Variants in RORA observed in about 807,000 individuals in gnomAD.
The protein encoded by RORA is RAR related orphan receptor A.
In RORA, 7 loss-of-function variants were observed where a neutral mutation model predicts 69.5. The ratio of observed to expected loss-of-function variants is 0.10; its 90% CI spans 0.06 to 0.19. The LOEUF (loss-of-function observed/expected upper bound fraction) is 0.19, where lower values mean the gene tolerates loss of function less well. Among genes scored for constraint, RORA ranks in the 10% least tolerant of loss-of-function variants. The pLI, the probability that RORA is intolerant of heterozygous loss-of-function variation, is 1.00. For missense variants in RORA, 457 were observed against 663.0 expected, an observed-to-expected ratio of 0.69 and a Z score of 3.41; for synonymous variants, 261 against 240.8, an observed-to-expected ratio of 1.08 and a Z score of -0.78.
At position 60,590,175 on chromosome 15, in the gene RORA, A is replaced by ATCTCTCTCTCTCTCTCTCTCTC. The variant is rs56192812; in HGVS notation, c.197-58346_197-58325dup. Among the ~76,000 whole-genome samples, 910 of 146,726 alleles carry ATCTCTCTCTCTCTCTCTCTCTC rather than the reference A, an allele frequency of 6.2e-3. 18 individuals are homozygous for ATCTCTCTCTCTCTCTCTCTCTC. The highest frequency in any genetic ancestry group is 0.023 in the African/African-American group (879 of 38,394). On this transcript the variant is annotated intron_variant, in intron 2 of 10. Coordinates refer to ENST00000335670, the MANE Select transcript of RORA (RefSeq NM_134261.3). ...ATGCATTCTCTCTCCCTCTTCCTCTATCTCTCTCTCTCTCTCTCTCTCTCT... is the reference window on the plus strand; with the variant it reads ...ATGCATTCTCTCTCCCTCTTCCTCTATCTCTCTCTCTCTCTCTCTCTCTCTCTCTCTCTCTCTCTCTCTCTCT...
At chr15:60,703,733 G>A (rs1415375930) in intron 1 of RORA, among the ~76,000 whole-genome samples, 1 of 152,160 alleles carries the variant, frequency 6.6e-6, no homozygotes, top group African/African-American at 2.4e-5. Context: ...GAATGGAGAA[G>A]TCTATGTCAT....
intron 1 of RORA, among the ~76,000 whole-genome samples, chr15:61,008,820 T>C (rs182263066): frequency 1.3e-5 from 2 of 152,246 alleles, no homozygotes; most frequent in East Asian, 3.9e-4. Context: ...AAATTAATGA[T>C]GTTGATGTAG....
chr15:61,016,648 T>A (rs1895299249), intron 1 of RORA, among the ~76,000 whole-genome samples: 1 of 152,126 alleles, frequency 6.6e-6, no homozygotes, highest in African/African-American at 2.4e-5. Flanking sequence ...GCTACGCCCA[T>A]CATCTGATGT....
chr15:60,910,186 T>G (rs376545111), intron 1 of RORA, among the ~76,000 whole-genome samples: 15 of 152,152 alleles, frequency 9.9e-5, no homozygotes, highest in African/African-American at 3.6e-4. Context: ...ATGATTACAC[T>G]CCAGGTTGTA....
chr15:60,644,727 T>A (rs537113202), intron 2 of RORA, among the ~76,000 whole-genome samples: 8 of 152,288 alleles, frequency 5.3e-5, no homozygotes, highest in African/African-American at 1.9e-4. Flanking sequence ...CAAACCGTGT[T>A]CTGTGGCTGG....
At chr15:60,967,031 A>T (rs1270376628) in intron 1 of RORA, among the ~76,000 whole-genome samples, 1 of 152,196 alleles carries the variant, frequency 6.6e-6, no homozygotes, top group Non-Finnish European at 1.5e-5. Flanking sequence ...CAAAATGATT[A>T]TCCATGAGTC....
rs1405644437 is a variant in RORA, at chr15:60,516,039, TTATATATTTA to T, written c.283-1292_283-1283del. 6.4e-3 allele frequency among the ~76,000 whole-genome samples: 74 copies of T among 11,644 alleles called. 7 individuals are homozygous for T. Among genetic ancestry groups the T allele is most frequent in the African/African-American group, 0.018 (55 of 3,130 alleles). 7.6% of individuals were successfully genotyped at this position (11,644 alleles called of 152,430 possible). On this transcript the variant is annotated intron_variant, in intron 3 of 10. Coordinates refer to ENST00000335670, the MANE Select transcript of RORA (RefSeq NM_134261.3). ...TATATATTTATATATTTATATATATTTATATATTTATATATATTTATATATATTTATATAT... is the reference window on the plus strand; with the variant it reads ...TATATATTTATATATTTATATATATTTATATATTTATATATATTTATATAT...
intron 1 of RORA, among the ~76,000 whole-genome samples, chr15:61,088,322 G>A: frequency 6.6e-6 from 1 of 152,208 alleles, no homozygotes; most frequent in East Asian, 1.9e-4. Context: ...GTGTGTGCAT[G>A]TGTGTGTCTC....
At chr15:61,177,688 C>T (rs555952031) in intron 1 of RORA, among the ~76,000 whole-genome samples, 35 of 152,226 alleles carry the variant, frequency 2.3e-4, no homozygotes, top group Admixed American at 1.3e-3. Context: ...CAGTTGCTCA[C>T]GCCTATAATC....
intron 1 of RORA, among the ~76,000 whole-genome samples, chr15:60,862,231 A>C (rs544798608): frequency 6.6e-6 from 1 of 152,334 alleles, no homozygotes; most frequent in East Asian, 1.9e-4. Context: ...TCCTTCTCAC[A>C]AGGTTACCTC....
intron 2 of RORA, among the ~76,000 whole-genome samples, chr15:60,666,350 T>A (rs28415288): frequency 7.1e-6 from 1 of 140,232 alleles, no homozygotes; most frequent in Non-Finnish European, 1.5e-5. Context: ...TTCTTTCTTT[T>A]TTTTTTTTTT....
chr15:61,138,797 T>C (rs2079269058), intron 1 of RORA, among the ~76,000 whole-genome samples: 1 of 151,898 alleles, frequency 6.6e-6, no homozygotes, highest in African/African-American at 2.4e-5. Context: ...TAAACAGAGA[T>C]AAATGCCATG....
rs571002284 is a variant in RORA at position 60,553,836 on chromosome 15, A to G, written c.197-21985T>C. On this transcript the variant is annotated intron_variant, in intron 2 of 10. Coordinates refer to ENST00000335670, the MANE Select transcript of RORA (RefSeq NM_134261.3). ...ACATATATTTACCTTCCCACAATAT[A>G]TGGCCCCTAGAAGCCTCAAACCATT... 2.6e-5 allele frequency among the ~76,000 whole-genome samples: 4 copies of G among 152,296 alleles called. No homozygotes were observed. In the East Asian group the frequency reaches 7.7e-4, roughly 29 times the overall value.
In RORA at chr15:61,226,785, G is replaced by A. The variant is rs558214416; in HGVS notation, c.166+2268C>T. On this transcript the variant is annotated intron_variant, in intron 1 of 10. Transcript: ENST00000335670. The surrounding 1 kb of genome is among the most constrained non-coding windows in gnomAD (Gnocchi z 4.2). ...ATAACCTAGTGCCTGCGTGCAGGATGTGAGTTGAGTGTTTGGGCCTTACCA... is the reference window on the plus strand; with the variant it reads ...ATAACCTAGTGCCTGCGTGCAGGATATGAGTTGAGTGTTTGGGCCTTACCA... Among the ~76,000 whole-genome samples the A allele has an allele frequency of 6.2e-4, 95 of 152,082 alleles. No individual in the cohort carries two copies. The highest frequency in any genetic ancestry group is 3.4e-3 in the Middle Eastern group (1 of 294).
Position 61,226,941 on chromosome 15 carries a change from C to G in RORA, c.166+2112G>C, listed in dbSNP as rs1475302119. Among the ~76,000 whole-genome samples, 2 of 152,124 alleles carry G rather than the reference C, an allele frequency of 1.3e-5. No homozygotes were observed. Among genetic ancestry groups the G allele is most frequent in the East Asian group, 3.9e-4 (2 of 5,176 alleles). ...CAGCTGTGCAAGATGTATCCCACTC[C>G]TACTATGCCCCTCTCCCCTTTTTGC... On this transcript the variant is annotated intron_variant, in intron 1 of 10. Coordinates refer to ENST00000335670, the MANE Select transcript of RORA (RefSeq NM_134261.3). This position sits in a 1 kb window ranked among gnomAD's most constrained non-coding sequence, Gnocchi z 4.2.
intron 1 of RORA, among the ~76,000 whole-genome samples, chr15:61,002,579 G>A (rs182042229): frequency 2.0e-3 from 311 of 152,104 alleles, no homozygotes; most frequent in Middle Eastern, 6.8e-3. Context: ...ATATGTTAGC[G>A]TCTCCAAATG....
chr15:61,030,844 G>A (rs1896128381), intron 1 of RORA, among the ~76,000 whole-genome samples: 2 of 152,006 alleles, frequency 1.3e-5, no homozygotes, highest in South Asian at 4.1e-4. Flanking sequence ...TTAATTTTGA[G>A]AAAAACGCAA....
chr15:60,502,644 C>T (rs996827969), intron 8 of RORA, 116 bp downstream of exon 8: 2 of 734,028 alleles, frequency 2.7e-6, no homozygotes, highest in African/African-American at 1.8e-5. Context: ...GGTATAAAAC[C>T]CCTTAATTTT....
chr15:60,988,827 C>G (rs1245839957), intron 1 of RORA, among the ~76,000 whole-genome samples: 6 of 152,176 alleles, frequency 3.9e-5, no homozygotes, highest in Non-Finnish European at 8.8e-5. Context: ...TATGTGCACC[C>G]CACTCCCCAT....
Sources: gnomAD v4.1 joint callset for allele counts (sites outside exome capture counted in the v4.1 genomes callset) on GRCh38, gnomAD v4.1.1 for gene constraint, Gnocchi (gnomAD v3.1) non-coding constraint, MANE v1.5 for transcripts, NCBI Gene and HGNC (gene_info 2026-07-23, HGNC 2026-07-21) for gene names.